XIRP2: variants seen among roughly 807,000 people sequenced by gnomAD.
The protein encoded by XIRP2 is xin actin binding repeat containing 2.
Under a neutral mutation model 277.0 loss-of-function variants are expected in XIRP2, and 236 were observed. The observed-to-expected ratio is 0.85, with a 90% CI of 0.77 to 0.95. The LOEUF (loss-of-function observed/expected upper bound fraction) is 0.95, where lower values mean the gene tolerates loss of function less well. Among genes scored for constraint, XIRP2 ranks in the 40% least tolerant of loss-of-function variants. The pLI, the probability that XIRP2 is intolerant of heterozygous loss-of-function variation, is 0.00. For synonymous variants in XIRP2, 1,490 were observed against 1,416.5 expected (o/e 1.05, Z -1.17); for missense variants, 4,640 against 4,157.5 (o/e 1.12, Z -3.19).
intron 2 of XIRP2, among the ~76,000 whole-genome samples, chr2:167,065,005 G>A (rs59471502): frequency 0.1 from 15,804 of 151,598 alleles, 1,628 homozygotes; most frequent in African/African-American, 0.26. Context: ...TTTAATTTGG[G>A]GAGTATATAC....
At chr2:167,031,946 A>G (rs1248639455) in intron 2 of XIRP2, among the ~76,000 whole-genome samples, 1 of 152,190 alleles carries the variant, frequency 6.6e-6, no homozygotes, top group Non-Finnish European at 1.5e-5. Flanking sequence ...CAAGTTGGGA[A>G]AAACTACTTT....
At chr2:167,257,588 G>A (rs1695695071) in intron 10 of XIRP2, among the ~76,000 whole-genome samples, 1 of 151,878 alleles carries the variant, frequency 6.6e-6, no homozygotes. Flanking sequence ...CTATCACTCT[G>A]CACCATGTAT....
At chr2:167,001,257 C>T (rs745322647) in intron 2 of XIRP2, among the ~76,000 whole-genome samples, 4 of 152,020 alleles carry the variant, frequency 2.6e-5, no homozygotes, top group Admixed American at 6.6e-5. Context: ...GCATCCCATC[C>T]GCCTACGTAA....
At chr2:166,950,831 C>A (rs1417298153) in intron 2 of XIRP2, among the ~76,000 whole-genome samples, 2 of 151,966 alleles carry the variant, frequency 1.3e-5, no homozygotes, top group Admixed American at 6.6e-5. Context: ...ACTGATTATT[C>A]AAATAGATAG....
intron 2 of XIRP2, among the ~76,000 whole-genome samples, chr2:167,021,185 T>C (rs1574171038): frequency 6.6e-6 from 1 of 152,236 alleles, no homozygotes; most frequent in South Asian, 2.1e-4. Flanking sequence ...AGAAAAGCTG[T>C]GCTTTCAGGT....
chr2:166,938,238 G>A lies in XIRP2; in HGVS notation c.408+34348G>A, dbSNP rs550309805. On this transcript the variant is annotated intron_variant, in intron 2 of 10. Transcript: ENST00000409195. ...CTTTCTCTTGTGGGCATTTAGTGCT[G>A]TAAATTTCCCTCTACACACTGCTTT... Among the ~76,000 whole-genome samples the A allele has an allele frequency of 1.1e-4, 16 of 152,216 alleles. 1 individual carries two copies. Among genetic ancestry groups the A allele is most frequent in the African/African-American group, 3.1e-4 (13 of 41,536 alleles).
chr2:166,998,356 G>A (rs371188362), intron 2 of XIRP2, among the ~76,000 whole-genome samples: 1 of 152,076 alleles, frequency 6.6e-6, no homozygotes, highest in Non-Finnish European at 1.5e-5. Context: ...ACCAAAACTC[G>A]GCCAGGAGCA....
chr2:167,146,262 G>A (rs1403959902), intron 3 of XIRP2, among the ~76,000 whole-genome samples: 1 of 151,996 alleles, frequency 6.6e-6, no homozygotes, highest in Non-Finnish European at 1.5e-5. Flanking sequence ...CATTTTGGGA[G>A]GCTGAGGCAG....
At chr2:167,225,930 T>C (rs1332653059) in intron 5 of XIRP2, among the ~76,000 whole-genome samples, 1 of 152,210 alleles carries the variant, frequency 6.6e-6, no homozygotes, top group Non-Finnish European at 1.5e-5. Context: ...GAAGCGGAAT[T>C]GGAAGACCAA....
At chr2:166,973,210 A>G (rs1686623990) in intron 2 of XIRP2, among the ~76,000 whole-genome samples, 1 of 152,184 alleles carries the variant, frequency 6.6e-6, no homozygotes, top group Non-Finnish European at 1.5e-5. Context: ...TAGGATTTTA[A>G]GGAAGAAATA....
intron 3 of XIRP2, among the ~76,000 whole-genome samples, chr2:167,139,804 A>G (rs1204252764): frequency 2.0e-5 from 3 of 152,200 alleles, no homozygotes; most frequent in African/African-American, 7.2e-5. Context: ...CAATATGGTA[A>G]CCACTAGCCA....
intron 2 of XIRP2, among the ~76,000 whole-genome samples, chr2:167,061,999 T>A (rs1689184526): frequency 6.6e-6 from 1 of 152,220 alleles, no homozygotes; most frequent in South Asian, 2.1e-4. Flanking sequence ...TTGAATATAT[T>A]CAAATGATTT....
chr2:167,095,139 G>A (rs1351235717), intron 2 of XIRP2, among the ~76,000 whole-genome samples: 1 of 152,178 alleles, frequency 6.6e-6, no homozygotes, highest in Admixed American at 6.5e-5. Flanking sequence ...GTATAGGAAT[G>A]CTTGTGATTT....
chr2:167,029,243 T>C (rs1163569939), intron 2 of XIRP2, among the ~76,000 whole-genome samples: 3 of 152,040 alleles, frequency 2.0e-5, no homozygotes, highest in Non-Finnish European at 4.4e-5. Context: ...TCCAATACTA[T>C]GTTTAACAGG....
At chr2:166,937,047 A>G (rs1468049080) in intron 2 of XIRP2, among the ~76,000 whole-genome samples, 1 of 152,194 alleles carries the variant, frequency 6.6e-6, no homozygotes, top group Non-Finnish European at 1.5e-5. Context: ...ATCCATGAGC[A>G]TGGAATGTTC....
chr2:167,108,310 G>T (rs1427648318), intron 2 of XIRP2, among the ~76,000 whole-genome samples: 2 of 151,496 alleles, frequency 1.3e-5, no homozygotes, highest in Non-Finnish European at 1.5e-5. Flanking sequence ...TTGTTTCATT[G>T]TTAATCTGTT....
At chr2:167,009,027 CA>C (rs1299322150) in intron 2 of XIRP2, among the ~76,000 whole-genome samples, 1 of 151,066 alleles carries the variant, frequency 6.6e-6, no homozygotes, top group Non-Finnish European at 1.5e-5. Context: ...GCCACTGCTG[CA>C]ACTTCCTATT....
chr2:167,232,176 G>A (rs1573979241), intron 5 of XIRP2, among the ~76,000 whole-genome samples: 1 of 151,876 alleles, frequency 6.6e-6, no homozygotes, highest in Non-Finnish European at 1.5e-5. Context: ...TCATACAACA[G>A]TATCTTTTAG....
chr2:167,158,322 A>AT (rs1692262837), intron 3 of XIRP2, among the ~76,000 whole-genome samples: 1 of 152,206 alleles, frequency 6.6e-6, no homozygotes, highest in African/African-American at 2.4e-5. Flanking sequence ...TGTTCAGTGT[A>AT]TTTTTACCAT....
Sources: allele counts gnomAD v4.1 joint callset (sites outside exome capture counted in the v4.1 genomes callset), GRCh38; gene constraint gnomAD v4.1.1; transcripts MANE v1.5; gene names NCBI Gene and HGNC (gene_info 2026-07-23, HGNC 2026-07-21).